ARID3A: variants seen among roughly 807,000 people sequenced by gnomAD.
The protein encoded by ARID3A is AT-rich interactive domain-containing protein 3A.
In ARID3A, 11 loss-of-function variants were observed where a neutral mutation model predicts 52.7. That is an observed-to-expected ratio of 0.21 (90% CI 0.13 to 0.35). The LOEUF is 0.35. Among genes scored for constraint, ARID3A ranks in the 10% least tolerant of loss-of-function variants. ARID3A has a pLI of 1.00. For missense variants in ARID3A, 721 were observed against 838.5 expected (o/e 0.86, Z 1.73); for synonymous variants, 404 against 359.4 (o/e 1.12, Z -1.40).
Position 964,144 on chromosome 19 carries a change from C to A in ARID3A, c.767-104C>A. ...TGGAGACATCTGTGGTTGTCACAGCCTGGGCGGGGGAGTGCTCCTGGCATG... is the reference window on the plus strand; with the variant it reads ...TGGAGACATCTGTGGTTGTCACAGCATGGGCGGGGGAGTGCTCCTGGCATG... On this transcript the variant is annotated intron_variant, in intron 4 of 8. Transcript: ENST00000263620. This position sits in a 1 kb window ranked among gnomAD's most constrained non-coding sequence, Gnocchi z 5.7. 1 of 930,816 alleles carries A rather than the reference C, an allele frequency of 1.1e-6. No homozygotes were observed. Among genetic ancestry groups the A allele is most frequent in the African/African-American group, 1.6e-5 (1 of 60,712 alleles). 57.7% of individuals were successfully genotyped at this position (930,816 alleles called of 1,614,324 possible). A position where few individuals can be genotyped will look rare whatever the true frequency, so the allele number is the denominator to read the frequency against.
rs1221942570 is a variant in ARID3A, at chr19:944,356, G to A, written c.693+11614G>A. On this transcript the variant is annotated intron_variant, in intron 3 of 8. Coordinates refer to ENST00000263620, the MANE Select transcript of ARID3A (RefSeq NM_005224.3). This position sits in a 1 kb window ranked among gnomAD's most constrained non-coding sequence, Gnocchi z 5.9. ...TGTGTGTGTGTGTGTGTGTCTGCGT[G>A]GGAGTGTCTGGCTGTGTGGCTGCAC... Among the ~76,000 whole-genome samples the A allele has an allele frequency of 6.6e-6, 1 of 151,366 alleles. No homozygotes were observed. The highest frequency in any genetic ancestry group is 2.4e-5 in the African/African-American group (1 of 41,038).
At chr19:967,118 G>A (rs545347466) in intron 7 of ARID3A, among the ~76,000 whole-genome samples, 13 of 152,184 alleles carry the variant, frequency 8.5e-5, no homozygotes, top group African/African-American at 3.1e-4. Flanking sequence ...AATTAGCCGG[G>A]CGTGGCAGCG....
Position 938,133 on chromosome 19 carries a change from C to T in ARID3A, c.693+5391C>T, listed in dbSNP as rs538093738. Among the ~76,000 whole-genome samples the T allele has an allele frequency of 9.9e-5, 15 of 151,658 alleles. No homozygotes were observed. The South Asian group carries it at 2.1e-3, about 21-fold the overall frequency. ...TGCTGGGATCACAGACGTGAGCCAC[C>T]GCGCCCGGCCTGTTGTCGACTTTTG... On this transcript the variant is annotated intron_variant, in intron 3 of 8. Transcript: ENST00000263620. The surrounding 1 kb of genome is among the most constrained non-coding windows in gnomAD (Gnocchi z 4.0).
intron 3 of ARID3A, among the ~76,000 whole-genome samples, chr19:949,096 A>G (rs376310879): frequency 6.0e-4 from 92 of 152,282 alleles, no homozygotes; most frequent in African/African-American, 2.2e-3. Flanking sequence ...ACTGTGGACA[A>G]GTGAAGGGCT....
chr19:960,002 C>A lies in ARID3A; in HGVS notation c.694-90C>A. 1 of 1,182,872 alleles carries A rather than the reference C, an allele frequency of 8.5e-7. No individual in the cohort carries two copies. The highest frequency in any genetic ancestry group is 1.2e-6 in the Non-Finnish European group (1 of 827,394). The allele number at this position is 1,182,872 out of a possible 1,614,324, so 73.3% of individuals were successfully genotyped here. On this transcript the variant is annotated intron_variant, in intron 3 of 8. Coordinates refer to ENST00000263620, the MANE Select transcript of ARID3A (RefSeq NM_005224.3). The surrounding 1 kb of genome is among the most constrained non-coding windows in gnomAD (Gnocchi z 4.3). ...TAGGGGTGGTGACCCCTGCTCCTGT[C>A]CTCCTGACCTGGCCTCCAGTGCAGG... is the stretch of plus-strand genomic sequence containing the variant.
At chr19:958,445 AG>A (rs1163442050) in intron 3 of ARID3A, among the ~76,000 whole-genome samples, 32 of 135,634 alleles carry the variant, frequency 2.4e-4, no homozygotes, top group Non-Finnish European at 4.5e-4. Flanking sequence ...AAAAAAAAAA[AG>A]AAGAAAGAAA....
At chr19:930,782 T>A (rs925555119) in intron 2 of ARID3A, among the ~76,000 whole-genome samples, 1 of 150,932 alleles carries the variant, frequency 6.6e-6, no homozygotes, top group East Asian at 2.1e-4. Context: ...GTGCTGGGAT[T>A]ACAGGCGTGA....
intron 8 of ARID3A, 121 bp downstream of exon 8, chr19:968,624 G>C (rs1403282957): frequency 1.2e-6 from 1 of 810,718 alleles, no homozygotes; most frequent in East Asian, 2.7e-5. Context: ...AGCAGGGCAC[G>C]GCCAGGGGCT....
chr19:929,981 G>A lies in ARID3A; in HGVS notation c.368+85G>A. On this transcript the variant is annotated intron_variant, in intron 2 of 8. Transcript: ENST00000263620. The surrounding 1 kb of genome is among the most constrained non-coding windows in gnomAD (Gnocchi z 6.2). ...TGCTCATCTGCAGAATGGGAGTAAG[G>A]GTCAGGTCGCGGGATCTCCTTCCTG... 1.3e-6 allele frequency: 2 copies of A among 1,499,752 alleles called. No individual in the cohort carries two copies. Among genetic ancestry groups the A allele is most frequent in the Admixed American group, 2.1e-5 (1 of 47,270 alleles). 92.9% of individuals were successfully genotyped at this position (1,499,752 alleles called of 1,614,324 possible). A position where few individuals can be genotyped will look rare whatever the true frequency, so the allele number is the denominator to read the frequency against.
rs188437890 is a variant in ARID3A, at chr19:938,032, C to T, written c.693+5290C>T. Among the ~76,000 whole-genome samples the T allele has an allele frequency of 4.6e-5, 7 of 151,298 alleles. No homozygotes were observed. In the East Asian group the frequency reaches 7.8e-4, roughly 17 times the overall value. ...TAATTTTTTGTATTTTTAGTAGAGA[C>T]GGGGTTTCACCGTGTTGGGCAGGGT... is the stretch of plus-strand genomic sequence containing the variant. On this transcript the variant is annotated intron_variant, in intron 3 of 8. Coordinates refer to ENST00000263620, the MANE Select transcript of ARID3A (RefSeq NM_005224.3). This position sits in a 1 kb window ranked among gnomAD's most constrained non-coding sequence, Gnocchi z 4.0.
At chr19:963,101 C>G (rs752636559) in intron 4 of ARID3A, among the ~76,000 whole-genome samples, 1 of 152,064 alleles carries the variant, frequency 6.6e-6, no homozygotes, top group Non-Finnish European at 1.5e-5. Flanking sequence ...CCGGGGGTTC[C>G]GGGGGTAGCA....
rs1200870070 is a variant in ARID3A at position 942,471 on chromosome 19, G to A, written c.693+9729G>A. Among the ~76,000 whole-genome samples, 4 of 152,184 alleles carry A rather than the reference G, an allele frequency of 2.6e-5. No homozygotes were observed. Among genetic ancestry groups the A allele is most frequent in the Admixed American group, 6.6e-5 (1 of 15,262 alleles). On this transcript the variant is annotated intron_variant, in intron 3 of 8. Transcript: ENST00000263620. The surrounding 1 kb of genome is among the most constrained non-coding windows in gnomAD (Gnocchi z 8.1). ...GGCACACGGGGGGCGGGTGCGGACC[G>A]CCTCTTCTCCGCTCTGCCGGCTGCA... is the stretch of plus-strand genomic sequence containing the variant.
At chr19:955,130 G>A (rs1350437903) in intron 3 of ARID3A, among the ~76,000 whole-genome samples, 2 of 152,178 alleles carry the variant, frequency 1.3e-5, no homozygotes, top group Non-Finnish European at 2.9e-5. Flanking sequence ...GCCATGGGGT[G>A]TGCTGTGGCC....
At chr19:933,846 T>TTGG (rs1555726110) in intron 3 of ARID3A, among the ~76,000 whole-genome samples, 2 of 43,262 alleles carry the variant, frequency 4.6e-5, no homozygotes, top group East Asian at 5.9e-4. Context: ...GGGGACTCGG[T>TTGG]GGGGGGGGGG....
rs1051504 is a variant in ARID3A at position 971,933 on chromosome 19, A to G, written c.1650A>G (p.Gly550=). The G allele has an allele frequency of 0.73, 1,152,580 of 1,578,752 alleles. 425,664 individuals carry two copies. Among genetic ancestry groups the G allele is most frequent in the Non-Finnish European group, 0.77 (892,627 of 1,162,714 alleles). ...APTPTSAPNK[G]GGGGGGSSSN... ...CGCCAACCTCTGCTCCCAACAAAGGAGGCGGCGGCGGCGGCGGCAGCAGCA... is the reference window on the plus strand; with the variant it reads ...CGCCAACCTCTGCTCCCAACAAAGGGGGCGGCGGCGGCGGCGGCAGCAGCA... Residue 550 remains glycine (G), a synonymous_variant, in exon 9 of 9, where the codon GGA becomes GGG. Coordinates refer to ENST00000263620, the MANE Select transcript of ARID3A (RefSeq NM_005224.3).
chr19:971,805 T>G (rs115277219), intron 8 of ARID3A, 73 bp from the exon 9 acceptor site: 10 of 1,502,302 alleles, frequency 6.7e-6, no homozygotes, highest in Non-Finnish European at 8.9e-6. Context: ...GAGCACCCCA[T>G]TGGGTCTCCC....
rs921801558 is a variant in ARID3A, at chr19:944,344, G to GTGTA, written c.693+11605_693+11606insATGT. ...CCAGGGGGTGTGTGTGTGTGTGTGTGTGTGTCTGCGTGGGAGTGTCTGGCT... is the reference window on the plus strand; with the variant it reads ...CCAGGGGGTGTGTGTGTGTGTGTGTGTGTATGTGTCTGCGTGGGAGTGTCTGGCT... On this transcript the variant is annotated intron_variant, in intron 3 of 8. Transcript: ENST00000263620. This position sits in a 1 kb window ranked among gnomAD's most constrained non-coding sequence, Gnocchi z 5.9. Among the ~76,000 whole-genome samples, 1 of 151,960 alleles carries GTGTA rather than the reference G, an allele frequency of 6.6e-6. No individual in the cohort carries two copies. Among genetic ancestry groups the GTGTA allele is most frequent in the African/African-American group, 2.4e-5 (1 of 41,340 alleles).
chr19:957,041 GC>G (rs2037933887), intron 3 of ARID3A, among the ~76,000 whole-genome samples: 2 of 152,174 alleles, frequency 1.3e-5, no homozygotes, highest in Admixed American at 6.5e-5. Flanking sequence ...CGGCAAATTG[GC>G]CCCCGCCTGA....
chr19:932,373 G>A (rs763922172), intron 2 of ARID3A, 45 bp from the exon 3 acceptor site: 12 of 1,570,248 alleles, frequency 7.6e-6, no homozygotes, highest in Middle Eastern at 2.3e-4. Flanking sequence ...GGGCTGGGAC[G>A]AGCCAGCACC....
Sources: allele counts gnomAD v4.1 joint callset (sites outside exome capture counted in the v4.1 genomes callset), GRCh38; gene constraint gnomAD v4.1.1; non-coding constraint Gnocchi (gnomAD v3.1); transcripts MANE v1.5; gene names NCBI Gene and HGNC (gene_info 2026-07-23, HGNC 2026-07-21).